Variants in ENTPD6 observed in about 807,000 individuals in gnomAD.
ENTPD6 encodes CD39 antigen-like 2.
In ENTPD6, 46 loss-of-function variants were observed where a neutral mutation model predicts 61.5. The ratio of observed to expected loss-of-function variants is 0.75; its 90% CI spans 0.59 to 0.96. The LOEUF is 0.96. Among genes scored for constraint, ENTPD6 ranks in the 40% least tolerant of loss-of-function variants. The probability of loss-of-function intolerance (pLI) is 0.00; values close to 1 mark genes in which losing one functional copy is unlikely to be tolerated. For missense variants in ENTPD6, 612 were observed against 629.0 expected (o/e 0.97, Z 0.29); for synonymous variants, 252 against 255.5 (o/e 0.99, Z 0.13).
chr20:25,220,649 GC>G (rs532819717), intron 10 of ENTPD6, among the ~76,000 whole-genome samples: 16 of 152,362 alleles, frequency 1.1e-4, no homozygotes, highest in African/African-American at 3.8e-4. Flanking sequence ...CTACCCTGAT[GC>G]CACCATTTCC....
chr20:25,205,466 C>G (rs1056558213), intron 1 of ENTPD6, among the ~76,000 whole-genome samples: 1 of 152,140 alleles, frequency 6.6e-6, no homozygotes, highest in Non-Finnish European at 1.5e-5. Context: ...TCTCAGAGCA[C>G]TGTGGGCAAG....
intron 8 of ENTPD6, 21 bp from the exon 9 acceptor site, chr20:25,217,481 G>A (rs760152434): frequency 1.2e-6 from 2 of 1,611,078 alleles, no homozygotes; most frequent in Admixed American, 1.7e-5. Context: ...AGGAAACATA[G>A]TTACCCTCGT....
intron 11 of ENTPD6, chr20:25,221,698 G>A: frequency 2.8e-6 from 1 of 358,166 alleles, no homozygotes; most frequent in Non-Finnish European, 5.4e-6. Flanking sequence ...TAGAGGGAGG[G>A]TCTGCTTCCA....
chr20:25,220,611 C>T (rs1240668314), intron 10 of ENTPD6, among the ~76,000 whole-genome samples: 1 of 152,228 alleles, frequency 6.6e-6, no homozygotes, highest in Non-Finnish European at 1.5e-5. Context: ...GCCTGGGACA[C>T]TTTTGTGGTG....
intron 1 of ENTPD6, among the ~76,000 whole-genome samples, chr20:25,199,545 A>G (rs2122440979): frequency 6.6e-6 from 1 of 152,312 alleles, no homozygotes; most frequent in East Asian, 1.9e-4. Context: ...TTAAATGTAC[A>G]GTTCTGTGGC....
chr20:25,209,742 T>G, intron 3 of ENTPD6, 107 bp from the exon 4 acceptor site: 1 of 886,126 alleles, frequency 1.1e-6, no homozygotes, highest in Non-Finnish European at 1.8e-6. Context: ...CACTTGGGGA[T>G]TGGTCTGTGT....
At chr20:25,213,457 A>T (rs761897379) in intron 5 of ENTPD6, 51 bp downstream of exon 5, 1 of 1,539,048 alleles carries the variant, frequency 6.5e-7, no homozygotes, top group Non-Finnish European at 8.7e-7. Flanking sequence ...GGGGCAACTG[A>T]TGACTGAAAA....
At position 25,205,941 on chromosome 20, in the gene ENTPD6, G is replaced by C. The variant is rs114812765; in HGVS notation, c.-15-581G>C. 8.2e-3 allele frequency among the ~76,000 whole-genome samples: 1,247 copies of C among 152,376 alleles called. 18 individuals are homozygous for C. The highest frequency in any genetic ancestry group is 0.029 in the African/African-American group (1,201 of 41,588). On this transcript the variant is annotated intron_variant, in intron 1 of 14. Coordinates refer to ENST00000376652, the MANE Select transcript of ENTPD6 (RefSeq NM_001247.5). ...CCTCAGGTAGCGCAGGTCGCTGCGG[G>C]CTTGCTCCTTTGACTGCTACTGCCC... is the stretch of plus-strand genomic sequence containing the variant.
intron 3 of ENTPD6, 98 bp downstream of exon 3, chr20:25,207,495 A>G (rs1415974846): frequency 8.7e-7 from 1 of 1,155,354 alleles, no homozygotes; most frequent in African/African-American, 1.6e-5. Flanking sequence ...GCTTGTCTAA[A>G]TGCAGTTTCC....
chr20:25,219,756 C>T (rs1459996925), intron 10 of ENTPD6, among the ~76,000 whole-genome samples: 1 of 151,958 alleles, frequency 6.6e-6, no homozygotes, highest in Non-Finnish European at 1.5e-5. Context: ...ATTGGCCCAG[C>T]ACCCCTGCCC....
chr20:25,199,601 T>C (rs529462036), intron 1 of ENTPD6, among the ~76,000 whole-genome samples: 1 of 152,314 alleles, frequency 6.6e-6, no homozygotes, highest in South Asian at 2.1e-4. Flanking sequence ...TCCAGAACTT[T>C]TTCATGTTCC....
intron 1 of ENTPD6, among the ~76,000 whole-genome samples, chr20:25,200,659 A>G (rs2090958809): frequency 6.6e-6 from 1 of 152,172 alleles, no homozygotes. Context: ...TCCAGATTAC[A>G]GCTATTTGAG....
chr20:25,222,792 TG>T, intron 11 of ENTPD6, 45 bp from the exon 12 acceptor site: 1 of 1,604,538 alleles, frequency 6.2e-7, no homozygotes, highest in South Asian at 1.1e-5. Flanking sequence ...CTGTGAGGCC[TG>T]GGTGCTCGGA....
intron 5 of ENTPD6, among the ~76,000 whole-genome samples, chr20:25,214,251 G>T (rs1428345945): frequency 1.3e-5 from 2 of 152,222 alleles, no homozygotes; most frequent in Non-Finnish European, 2.9e-5. Flanking sequence ...GCCTGTCAGG[G>T]TCCCTCACAG....
intron 13 of ENTPD6, chr20:25,224,533 AC>A (rs964929952): frequency 3.5e-5 from 6 of 171,644 alleles, no homozygotes; most frequent in Non-Finnish European, 6.2e-5. Flanking sequence ...AGCCCAGCAG[AC>A]CCTGTGCCAC....
intron 13 of ENTPD6, chr20:25,224,765 A>T (rs1178920748): frequency 5.7e-6 from 1 of 174,710 alleles, no homozygotes; most frequent in Admixed American, 6.3e-5. Flanking sequence ...GGTATCCACA[A>T]CTACAGCAGG....
chr20:25,201,587 C>T (rs546926002), intron 1 of ENTPD6, among the ~76,000 whole-genome samples: 25 of 152,312 alleles, frequency 1.6e-4, no homozygotes, highest in Middle Eastern at 6.8e-3. Context: ...AACCCCTGCT[C>T]TCCTTTGGTC....
At chr20:25,206,681 G>A in intron 2 of ENTPD6, 91 bp downstream of exon 2, 1 of 947,456 alleles carries the variant, frequency 1.1e-6, no homozygotes, top group Non-Finnish European at 1.7e-6. Context: ...ACTGAGGATT[G>A]AAAGACTGAA....
At chr20:25,224,434 A>C in intron 13 of ENTPD6, 1 of 291,060 alleles carries the variant, frequency 3.4e-6, no homozygotes, top group Non-Finnish European at 6.4e-6. Flanking sequence ...TAAGTTCATG[A>C]TTGTCACACA....
Sources: gnomAD v4.1 joint callset for allele counts (sites outside exome capture counted in the v4.1 genomes callset) on GRCh38, gnomAD v4.1.1 for gene constraint, MANE v1.5 for transcripts, NCBI Gene and HGNC (gene_info 2026-07-23, HGNC 2026-07-21) for gene names.